Variants in WSB1 observed in about 807,000 individuals in gnomAD.
WSB1 encodes the protein WD repeat and SOCS box containing 1, also known as WD repeat and SOCS box-containing protein 1.
WSB1 carries 23 observed loss-of-function variants against 50.2 expected under a neutral mutation model. That is an observed-to-expected ratio of 0.46 (90% CI 0.33 to 0.65). The LOEUF (loss-of-function observed/expected upper bound fraction) is 0.65. WSB1 is among the 30% of genes least tolerant of loss of function. The probability of loss-of-function intolerance (pLI) is 0.02; values close to 1 mark genes in which losing one functional copy is unlikely to be tolerated. For missense variants in WSB1, 492 were observed against 522.3 expected, an observed-to-expected ratio of 0.94 and a Z score of 0.56; for synonymous variants, 179 against 172.0, an observed-to-expected ratio of 1.04 and a Z score of -0.32.
At chr17:27,295,907 G>A (rs1295896648) in intron 1 of WSB1, among the ~76,000 whole-genome samples, 1 of 150,966 alleles carries the variant, frequency 6.6e-6, no homozygotes, top group Non-Finnish European at 1.5e-5. Flanking sequence ...GCACGATCTC[G>A]GCTCACTGCA....
At chr17:27,295,646 CTG>C (rs2016928561) in intron 1 of WSB1, among the ~76,000 whole-genome samples, 1 of 152,092 alleles carries the variant, frequency 6.6e-6, no homozygotes. Context: ...ATTATTTTAA[CTG>C]TATTTTAAGA....
intron 3 of WSB1, chr17:27,303,844 T>A: frequency 1.7e-6 from 1 of 582,542 alleles, no homozygotes; most frequent in Non-Finnish European, 2.9e-6. Context: ...GCTTCATCAC[T>A]CTTTAGAGAG....
At position 27,312,412 on chromosome 17, in the gene WSB1, T is replaced by G. The variant is rs757267111; in HGVS notation, c.*43T>G. The G allele has an allele frequency of 1.3e-6, 2 of 1,593,772 alleles. No individual in the cohort carries two copies. The highest frequency in any genetic ancestry group is 2.7e-5 in the African/African-American group (2 of 73,408). On this transcript the variant is annotated 3_prime_UTR_variant, in exon 9 of 9. Transcript: ENST00000262394. Reference sequence around the variant, plus strand: ...AGTAGTAGGGACTGACAGAATACACTTAACACAAACCTCAAGCTTTACTGA... The same window carrying G: ...AGTAGTAGGGACTGACAGAATACACGTAACACAAACCTCAAGCTTTACTGA...
chr17:27,300,078 C>T (rs1379200583), intron 1 of WSB1, among the ~76,000 whole-genome samples: 2 of 146,276 alleles, frequency 1.4e-5, no homozygotes, highest in African/African-American at 5.2e-5. Flanking sequence ...ATATTCATTC[C>T]GTAAATATTT....
intron 1 of WSB1, among the ~76,000 whole-genome samples, chr17:27,297,651 C>T (rs1168594155): frequency 2.0e-5 from 3 of 151,994 alleles, no homozygotes; most frequent in Non-Finnish European, 4.4e-5. Flanking sequence ...GAGATGAGGT[C>T]CCCTATCTAT....
chr17:27,295,884 C>G (rs1175636915), intron 1 of WSB1, among the ~76,000 whole-genome samples: 1 of 151,242 alleles, frequency 6.6e-6, no homozygotes, highest in African/African-American at 2.4e-5. Context: ...GTTGCCCAGG[C>G]TGGAGTGCAA....
At chr17:27,307,561 G>A in intron 5 of WSB1, 1 of 594,192 alleles carries the variant, frequency 1.7e-6, no homozygotes, top group Non-Finnish European at 2.9e-6. Context: ...AGGGTGGGAG[G>A]CTAGTTGAAA....
chr17:27,310,681 C>T (rs1235440690), intron 7 of WSB1, among the ~76,000 whole-genome samples: 1 of 152,122 alleles, frequency 6.6e-6, no homozygotes, highest in Non-Finnish European at 1.5e-5. Flanking sequence ...TAAGGCAGCT[C>T]TTCTCTTCCC....
chr17:27,294,321 C>T lies in WSB1; in HGVS notation c.-75C>T, dbSNP rs746112711. 252 of 1,581,236 alleles carry T rather than the reference C, an allele frequency of 1.6e-4. No homozygotes were observed. Among genetic ancestry groups the T allele is most frequent in the Non-Finnish European group, 2.0e-4 (233 of 1,156,756 alleles). ...CGGGAGGGACCAACTTGGCGTCACG[C>T]CCCTCAGCGGTCGCCACTCTCTTCT... On this transcript the variant is annotated 5_prime_UTR_variant, in exon 1 of 9. Transcript: ENST00000262394.
At chr17:27,301,729 C>G (rs931006193) in intron 1 of WSB1, 59 bp from the exon 2 acceptor site, 2 of 1,554,210 alleles carry the variant, frequency 1.3e-6, no homozygotes, top group Non-Finnish European at 1.8e-6. Flanking sequence ...AATATGGAAG[C>G]AGTCTCACAT....
At chr17:27,308,964 A>T in intron 5 of WSB1, 136 bp from the exon 6 acceptor site, 1 of 1,314,800 alleles carries the variant, frequency 7.6e-7, no homozygotes, top group Non-Finnish European at 9.8e-7. Flanking sequence ...TATGACACTG[A>T]GCATATTCTT....
At position 27,302,346 on chromosome 17, in the gene WSB1, G is replaced by A. The variant is rs2017266967; in HGVS notation, c.209+390G>A. 1.9e-5 allele frequency: 3 copies of A among 154,282 alleles called. No homozygotes were observed. The East Asian group carries it at 5.7e-4, about 30-fold the overall frequency. 9.6% of individuals were successfully genotyped at this position (154,282 alleles called of 1,614,324 possible). A position where few individuals can be genotyped will look rare whatever the true frequency, so the allele number is the denominator to read the frequency against. Reference sequence around the variant, plus strand: ...GAATTGCTTGAACCCAGGAGCCGGAGGTTGTAGTGAGTCGAGATAGCACCA... The same window carrying A: ...GAATTGCTTGAACCCAGGAGCCGGAAGTTGTAGTGAGTCGAGATAGCACCA... On this transcript the variant is annotated intron_variant, in intron 2 of 8. Coordinates refer to ENST00000262394, the MANE Select transcript of WSB1 (RefSeq NM_015626.10).
chr17:27,301,638 C>T (rs1473616790), intron 1 of WSB1, 150 bp from the exon 2 acceptor site: 2 of 665,202 alleles, frequency 3.0e-6, no homozygotes, highest in Non-Finnish European at 4.9e-6. Context: ...TCATATACTG[C>T]ATACCCCCCG....
At chr17:27,297,799 T>C (rs2017043525) in intron 1 of WSB1, among the ~76,000 whole-genome samples, 1 of 151,834 alleles carries the variant, frequency 6.6e-6, no homozygotes, top group Non-Finnish European at 1.5e-5. Flanking sequence ...AGAAGAAAAA[T>C]ATAGAGTAAC....
At chr17:27,302,045 T>A in intron 2 of WSB1, 89 bp downstream of exon 2, 1 of 1,368,512 alleles carries the variant, frequency 7.3e-7, no homozygotes, top group Non-Finnish European at 9.8e-7. Flanking sequence ...TTTTGATATT[T>A]AAGTTTTACT....
chr17:27,307,257 C>G, intron 5 of WSB1: 1 of 212,882 alleles, frequency 4.7e-6, no homozygotes, highest in East Asian at 1.3e-4. Context: ...AGTTTTGAGT[C>G]CCAGCTGGTC....
Position 27,303,238 on chromosome 17 carries a change from A to T in WSB1, c.210-129A>T, listed in dbSNP as rs1567686845. On this transcript the variant is annotated intron_variant, in intron 2 of 8. Transcript: ENST00000262394. The stretch of plus-strand genomic sequence containing the variant: ...CAACCTTTCCCTTCCTATCTATAGG[A>T]TTCTATTGTTATTTGGTGTCATTAT... The T allele has an allele frequency of 3.9e-6, 4 of 1,036,778 alleles. No homozygotes were observed. The South Asian group carries it at 6.7e-5, about 17-fold the overall frequency. 64.2% of individuals were successfully genotyped at this position (1,036,778 alleles called of 1,614,324 possible). A position where few individuals can be genotyped will look rare whatever the true frequency, so the allele number is the denominator to read the frequency against.
Position 27,294,408 on chromosome 17 carries a change from C to G in WSB1, c.13C>G (p.Pro5Ala), listed in dbSNP as rs774835815. ...CGGTGCCCCATAGATGGCCAGCTTTCCCCCGAGGGTCAACGAGAAAGAGAT... is the reference window on the plus strand; with the variant it reads ...CGGTGCCCCATAGATGGCCAGCTTTGCCCCGAGGGTCAACGAGAAAGAGAT... MASFPPRVNEKEIVR... is the reference protein window; with the variant it reads MASFAPRVNEKEIVR... Residue 5 changes from proline to alanine, a missense_variant, in exon 1 of 9, where the codon CCC becomes GCC. Pro to Ala is a conservative substitution (Grantham distance 27, BLOSUM62 -1). Transcript: ENST00000262394. The G allele has an allele frequency of 8.1e-6, 13 of 1,613,656 alleles. No individual in the cohort carries two copies. Among genetic ancestry groups the G allele is most frequent in the Non-Finnish European group, 8.5e-7 (1 of 1,179,794 alleles).
chr17:27,310,169 T>C lies in WSB1; in HGVS notation c.993T>C (p.Asp331=), dbSNP rs145314338. The C allele has an allele frequency of 6.0e-5, 97 of 1,613,742 alleles. No homozygotes were observed. The African/African-American group carries it at 1.1e-3, about 19-fold the overall frequency. The part of the protein sequence containing the change: ...HDGLHVASLA[D]DKMVRFWRID... ...GACTGCATGTTGCAAGCCTTGCTGA[T>C]GATAAGTAAGTATGTGCATTATAGC... Residue 331 remains aspartate, a synonymous_variant, in exon 7 of 9, where the codon GAT becomes GAC. Coordinates refer to ENST00000262394, the MANE Select transcript of WSB1 (RefSeq NM_015626.10).
Sources: gnomAD v4.1 joint callset for allele counts (sites outside exome capture counted in the v4.1 genomes callset) on GRCh38, gnomAD v4.1.1 for gene constraint, MANE v1.5 for transcripts, NCBI Gene and HGNC (gene_info 2026-07-23, HGNC 2026-07-21) for gene names.